The following BRINP3 variants were observed in gnomAD, a reference collection of about 807,000 sequenced individuals.
The protein encoded by BRINP3 is BMP/retinoic acid-inducible neural-specific protein 3.
In BRINP3, 19 loss-of-function variants were observed where a neutral mutation model predicts 71.0. The ratio of observed to expected loss-of-function variants is 0.27; its 90% confidence interval spans 0.19 to 0.39. The LOEUF is 0.39. Ranked by LOEUF, BRINP3 falls within the 10% of genes least tolerant of loss-of-function variation. BRINP3 has a pLI of 1.00. For missense variants in BRINP3, 959 were observed against 940.8 expected, an observed-to-expected ratio of 1.02 and a Z score of -0.25; for synonymous variants, 380 against 337.7, an observed-to-expected ratio of 1.13 and a Z score of -1.37.
At chr1:190,374,253 T>C (rs1222361109) in intron 2 of BRINP3, among the ~76,000 whole-genome samples, 2 of 152,196 alleles carry the variant, frequency 1.3e-5, no homozygotes, top group Non-Finnish European at 2.9e-5. Flanking sequence ...CAATTGTACA[T>C]AACACACACA....
At chr1:190,402,808 T>G (rs552737573) in intron 2 of BRINP3, among the ~76,000 whole-genome samples, 2 of 152,334 alleles carry the variant, frequency 1.3e-5, no homozygotes, top group Non-Finnish European at 2.9e-5. Context: ...CATGGCTCCC[T>G]GCAGCCTCAA....
At chr1:190,352,726 A>T (rs1668470516) in intron 2 of BRINP3, among the ~76,000 whole-genome samples, 1 of 151,952 alleles carries the variant, frequency 6.6e-6, no homozygotes, top group African/African-American at 2.4e-5. Flanking sequence ...TTATTCTGAA[A>T]TCTTTCCATG....
At chr1:190,396,332 C>T (rs1372542150) in intron 2 of BRINP3, among the ~76,000 whole-genome samples, 1 of 151,788 alleles carries the variant, frequency 6.6e-6, no homozygotes, top group Admixed American at 6.6e-5. Context: ...ATACAGTTTA[C>T]AGTACATATG....
intron 1 of BRINP3, among the ~76,000 whole-genome samples, chr1:190,466,573 C>T (rs1676764285): frequency 6.6e-6 from 1 of 151,542 alleles, no homozygotes; most frequent in Admixed American, 6.6e-5. Flanking sequence ...TTCTTTTTTA[C>T]CAATTTCTAA....
In BRINP3 at chr1:190,150,920, C is replaced by T. The variant is rs192337565; in HGVS notation, c.1184+9748G>A. On this transcript the variant is annotated intron_variant, in intron 7 of 7. Coordinates refer to ENST00000367462, the MANE Select transcript of BRINP3 (RefSeq NM_199051.3). Reference sequence around the variant, plus strand: ...GATAAAGATAAATAATTCTGATATACGAGATGGGATTCTACTGTGAGATAA... The same window carrying T: ...GATAAAGATAAATAATTCTGATATATGAGATGGGATTCTACTGTGAGATAA... Among the ~76,000 whole-genome samples the T allele has an allele frequency of 1.9e-3, 282 of 152,068 alleles. 3 individuals are homozygous for T. The highest frequency in any genetic ancestry group is 6.2e-3 in the African/African-American group (258 of 41,464).
chr1:190,098,405 G>A lies in BRINP3; in HGVS notation c.1914C>T (p.Pro638=). Residue 638 remains proline (P), a synonymous_variant, in exon 8 of 8, where the codon CCC becomes CCT. Coordinates refer to ENST00000367462, the MANE Select transcript of BRINP3 (RefSeq NM_199051.3). Reference sequence around the variant, plus strand: ...CATAGTAAATGCTCTCATTACCATTGGGACCATTGGACTTGATGCGACTTC... The same window carrying A: ...CATAGTAAATGCTCTCATTACCATTAGGACCATTGGACTTGATGCGACTTC... ...YLRSRIKSNG[P]NGNESIYYEP... is the part of the protein sequence containing the mutation. 2.5e-6 allele frequency: 4 copies of A among 1,614,028 alleles called. No individual in the cohort carries two copies. Among genetic ancestry groups the A allele is most frequent in the Non-Finnish European group, 3.4e-6 (4 of 1,180,008 alleles).
intron 4 of BRINP3, among the ~76,000 whole-genome samples, chr1:190,254,425 G>T (rs1030526382): frequency 6.6e-6 from 1 of 151,648 alleles, no homozygotes; most frequent in Non-Finnish European, 1.5e-5. Flanking sequence ...TTCTTCCATT[G>T]GTTTGTGTCC....
chr1:190,139,273 C>A (rs969148935), intron 7 of BRINP3, among the ~76,000 whole-genome samples: 3 of 151,158 alleles, frequency 2.0e-5, no homozygotes, highest in Admixed American at 2.0e-4. Flanking sequence ...CATGGTGAAA[C>A]CCCCTCTGTC....
chr1:190,346,063 G>A (rs1011744829), intron 2 of BRINP3, among the ~76,000 whole-genome samples: 6 of 151,838 alleles, frequency 4.0e-5, no homozygotes, highest in Admixed American at 6.6e-5. Flanking sequence ...CAATAAAAGG[G>A]TTAAGAAAAT....
intron 7 of BRINP3, 40 bp from the exon 8 acceptor site, chr1:190,099,174 G>A (rs1472074210): frequency 6.3e-7 from 1 of 1,578,332 alleles, no homozygotes; most frequent in Non-Finnish European, 8.6e-7. Context: ...TAAATACAAA[G>A]ATATTCTGTG....
intron 2 of BRINP3, among the ~76,000 whole-genome samples, chr1:190,326,585 A>G (rs1666591388): frequency 6.6e-6 from 1 of 152,132 alleles, no homozygotes; most frequent in African/African-American, 2.4e-5. Flanking sequence ...GAACGCTGTT[A>G]GGCTAACAAC....
rs147914531 is a variant in BRINP3, at chr1:190,132,624, T to A, written c.1184+28044A>T. ...AGAATCAGACACATAACATAATAAA[T>A]GAATGTGCATTTATTCAGAACTTAC... On this transcript the variant is annotated intron_variant, in intron 7 of 7. Transcript: ENST00000367462. Among the ~76,000 whole-genome samples the A allele has an allele frequency of 2.5e-4, 38 of 152,230 alleles. 1 individual carries two copies. Among genetic ancestry groups the A allele is most frequent in the African/African-American group, 8.9e-4 (37 of 41,568 alleles).
intron 7 of BRINP3, among the ~76,000 whole-genome samples, chr1:190,129,911 A>G (rs1014650779): frequency 4.6e-5 from 7 of 152,132 alleles, no homozygotes; most frequent in African/African-American, 1.4e-4. Flanking sequence ...TTTAGACAAC[A>G]TTTAACATTC....
chr1:190,362,586 A>G (rs999077015), intron 2 of BRINP3, among the ~76,000 whole-genome samples: 13 of 152,142 alleles, frequency 8.5e-5, no homozygotes, highest in African/African-American at 3.1e-4. Flanking sequence ...CCCCACTCAA[A>G]TCTCATCTTG....
chr1:190,210,376 G>C (rs1250531542), intron 6 of BRINP3, among the ~76,000 whole-genome samples: 1 of 151,948 alleles, frequency 6.6e-6, no homozygotes. Context: ...TTTTTGTTTT[G>C]ATTTTATGAT....
At chr1:190,459,135 C>CAAA (rs113637584) in intron 1 of BRINP3, among the ~76,000 whole-genome samples, 1 of 96,246 alleles carries the variant, frequency 1.0e-5, no homozygotes. Context: ...TTCTTTCTCA[C>CAAA]AAAAAAAAAA....
chr1:190,372,174 G>T (rs536758497), intron 2 of BRINP3, among the ~76,000 whole-genome samples: 2 of 152,100 alleles, frequency 1.3e-5, no homozygotes, highest in African/African-American at 2.4e-5. Context: ...AGAATTCATT[G>T]AACCTGCAAG....
intron 2 of BRINP3, among the ~76,000 whole-genome samples, chr1:190,446,496 C>T (rs1675227896): frequency 6.6e-6 from 1 of 151,810 alleles, no homozygotes; most frequent in Admixed American, 6.6e-5. Context: ...ATTTATGTTC[C>T]AATATACACA....
At chr1:190,454,969 A>G in intron 1 of BRINP3, 29 bp from the exon 2 acceptor site, 1 of 1,093,264 alleles carries the variant, frequency 9.1e-7, no homozygotes, top group Non-Finnish European at 1.3e-6. Flanking sequence ...CAATTAGTTA[A>G]CTCCTAGAAG....
Sources: allele counts gnomAD v4.1 joint callset (sites outside exome capture counted in the v4.1 genomes callset), GRCh38; gene constraint gnomAD v4.1.1; transcripts MANE v1.5; gene names NCBI Gene and HGNC (gene_info 2026-07-23, HGNC 2026-07-21).